RAP1GAP2: variants seen among roughly 807,000 people sequenced by gnomAD.
RAP1GAP2 encodes the protein RAP1 GTPase activating protein 2.
Under a neutral mutation model 95.0 loss-of-function variants are expected in RAP1GAP2, and 27 were observed. The ratio of observed to expected loss-of-function variants is 0.28; its 90% CI spans 0.21 to 0.39. The LOEUF (loss-of-function observed/expected upper bound fraction) is 0.39. Among genes scored for constraint, RAP1GAP2 ranks in the 10% least tolerant of loss-of-function variants. The pLI is 1.00. For synonymous variants in RAP1GAP2, 373 were observed against 380.9 expected (o/e 0.98, Z 0.24); for missense variants, 771 against 970.0 (o/e 0.79, Z 2.72).
In RAP1GAP2 at chr17:2,984,874, C is replaced by T. The variant is rs572695110; in HGVS notation, c.730-109C>T. ...CCTCCGTGTATGTGGATGTTTCATA[C>T]CAGGGAACACATTCTCTCCCCAAAT... On this transcript the variant is annotated intron_variant, in intron 10 of 24. Coordinates refer to ENST00000254695, the MANE Select transcript of RAP1GAP2 (RefSeq NM_015085.5). 5 of 1,534,290 alleles carry T rather than the reference C, an allele frequency of 3.3e-6. No individual in the cohort carries two copies. The South Asian group carries it at 6.3e-5, about 19-fold the overall frequency.
chr17:3,002,737 G>A (rs1019327363), intron 14 of RAP1GAP2, among the ~76,000 whole-genome samples: 41 of 152,186 alleles, frequency 2.7e-4, no homozygotes, highest in African/African-American at 3.9e-4. Context: ...CGGAGGGGCC[G>A]GGCTGCCTGG....
intron 12 of RAP1GAP2, among the ~76,000 whole-genome samples, chr17:2,992,164 CTTTT>C (rs11454789): frequency 7.4e-6 from 1 of 134,768 alleles, no homozygotes; most frequent in Non-Finnish European, 1.6e-5. Flanking sequence ...ACAGTCTATG[CTTTT>C]TTTTTTTTTT....
intron 22 of RAP1GAP2, 54 bp from the exon 23 acceptor site, chr17:3,030,868 G>GT: frequency 6.7e-7 from 1 of 1,502,628 alleles, no homozygotes; most frequent in South Asian, 1.2e-5. Flanking sequence ...CCCACACACA[G>GT]CCCCAGTGGC....
chr17:2,974,185 CAA>C (rs59861570), intron 8 of RAP1GAP2, among the ~76,000 whole-genome samples: 2 of 137,692 alleles, frequency 1.5e-5, no homozygotes, highest in Non-Finnish European at 3.1e-5. Flanking sequence ...ACTAAAAATA[CAA>C]AAAAAAAAAA....
chr17:2,835,368 C>T (rs545431476), intron 2 of RAP1GAP2, among the ~76,000 whole-genome samples: 72 of 152,028 alleles, frequency 4.7e-4, no homozygotes, highest in African/African-American at 1.4e-3. Flanking sequence ...TACAGGTGTG[C>T]GCCACCACAC....
chr17:2,944,611 T>C (rs1313598833), intron 3 of RAP1GAP2, among the ~76,000 whole-genome samples: 2 of 152,184 alleles, frequency 1.3e-5, no homozygotes, highest in African/African-American at 2.4e-5. Flanking sequence ...GTTTTGAGTA[T>C]TCTGGATGGA....
At chr17:2,939,986 G>A (rs1567801049) in intron 3 of RAP1GAP2, among the ~76,000 whole-genome samples, 1 of 152,260 alleles carries the variant, frequency 6.6e-6, no homozygotes, top group African/African-American at 2.4e-5. Context: ...CGCCGCCGTG[G>A]TGGTAGCAGC....
chr17:2,997,245 A>G (rs1018166446), intron 13 of RAP1GAP2, among the ~76,000 whole-genome samples: 7 of 152,096 alleles, frequency 4.6e-5, no homozygotes, highest in African/African-American at 1.4e-4. Context: ...CAGTGCTGTC[A>G]TGATCTGCCA....
intron 3 of RAP1GAP2, among the ~76,000 whole-genome samples, chr17:2,915,740 C>CA (rs111277190): frequency 0.21 from 32,157 of 151,882 alleles, 4,283 homozygotes; most frequent in African/African-American, 0.35. Context: ...GCTCTGTCAC[C>CA]AGGCTGGAGT....
rs189513384 is a variant in RAP1GAP2 at position 2,784,346 on chromosome 17, C to G, written c.-14+7068C>G. Among the ~76,000 whole-genome samples, 511 of 152,118 alleles carry G rather than the reference C, an allele frequency of 3.4e-3. 1 individual carries two copies. Among genetic ancestry groups the G allele is most frequent in the African/African-American group, 0.012 (491 of 41,480 alleles). ...AGTACAGTGGCGTGATCTCGGCTCA[C>G]TGCGACCTCCATCTCCCGGACTCAA... On this transcript the variant is annotated intron_variant, in intron 1 of 24. Coordinates refer to the RAP1GAP2 transcript ENST00000540393.
chr17:2,972,395 C>T (rs2044902670), intron 8 of RAP1GAP2, among the ~76,000 whole-genome samples: 1 of 152,132 alleles, frequency 6.6e-6, no homozygotes, highest in Admixed American at 6.5e-5. Flanking sequence ...TTTGGGAGGC[C>T]AAGGCGAGTG....
At chr17:2,927,344 G>C (rs372484067) in intron 3 of RAP1GAP2, among the ~76,000 whole-genome samples, 2 of 151,688 alleles carry the variant, frequency 1.3e-5, no homozygotes, top group South Asian at 2.1e-4. Context: ...TAGTAGAGAC[G>C]GGGTTTCACC....
chr17:2,873,543 T>G (rs2072947880), intron 2 of RAP1GAP2, among the ~76,000 whole-genome samples: 2 of 124,562 alleles, frequency 1.6e-5, no homozygotes. Context: ...TGTGTAAAGA[T>G]CATTTCACAG....
At chr17:2,804,014 A>G (rs1261681525) in intron 2 of RAP1GAP2, among the ~76,000 whole-genome samples, 1 of 152,232 alleles carries the variant, frequency 6.6e-6, no homozygotes, top group Admixed American at 6.5e-5. Flanking sequence ...AAGCCCTTGC[A>G]TTTCTGGTGA....
upstream of RAP1GAP2, among the ~76,000 whole-genome samples, chr17:2,773,118 G>A (rs144673552): frequency 1.2e-4 from 18 of 152,214 alleles, no homozygotes; most frequent in Non-Finnish European, 1.9e-4. Flanking sequence ...GATTACAGGC[G>A]TGAGCCACTG....
intron 1 of RAP1GAP2, chr17:2,800,139 G>T (rs1430521552): frequency 1.0e-6 from 1 of 977,636 alleles, no homozygotes; most frequent in Non-Finnish European, 1.2e-6. Flanking sequence ...CTGAAGCCGG[G>T]TTGCTGGGTT....
chr17:2,938,216 A>ATGG (rs1322053167), intron 3 of RAP1GAP2, among the ~76,000 whole-genome samples: 2 of 152,128 alleles, frequency 1.3e-5, no homozygotes, highest in African/African-American at 4.8e-5. Context: ...AGATATAGAA[A>ATGG]CTGAGGCTCA....
chr17:2,900,141 C>T (rs528867231), intron 2 of RAP1GAP2, among the ~76,000 whole-genome samples: 2 of 152,262 alleles, frequency 1.3e-5, no homozygotes, highest in African/African-American at 2.4e-5. Context: ...GGGAGAACCC[C>T]GTGTGGAGGG....
At chr17:2,937,072 A>G (rs2043329165) in intron 3 of RAP1GAP2, among the ~76,000 whole-genome samples, 1 of 152,150 alleles carries the variant, frequency 6.6e-6, no homozygotes, top group Admixed American at 6.5e-5. Flanking sequence ...CATGTGTAGG[A>G]CGGGAGTACC....
Sources: gnomAD v4.1 joint callset for allele counts (sites outside exome capture counted in the v4.1 genomes callset) on GRCh38, gnomAD v4.1.1 for gene constraint, MANE v1.5 for transcripts, NCBI Gene and HGNC (gene_info 2026-07-23, HGNC 2026-07-21) for gene names.